The following MICAL3 variants were observed in gnomAD, a reference collection of about 807,000 sequenced individuals.
MICAL3 encodes microtubule associated monooxygenase, calponin and LIM domain containing 3, also known as [F-actin]-monooxygenase MICAL3.
In MICAL3, 62 loss-of-function variants were observed where a neutral mutation model predicts 207.4. That is an observed-to-expected ratio of 0.30 (90% CI 0.24 to 0.37). The LOEUF (loss-of-function observed/expected upper bound fraction) is 0.37, where lower values mean the gene tolerates loss of function less well. Among genes scored for constraint, MICAL3 ranks in the 10% least tolerant of loss-of-function variants. The probability of loss-of-function intolerance (pLI) is 1.00; values close to 1 mark genes in which losing one functional copy is unlikely to be tolerated. For missense variants in MICAL3, 2,368 were observed against 2,635.6 expected, an observed-to-expected ratio of 0.90 and a Z score of 2.22; for synonymous variants, 1,077 against 1,069.3, an observed-to-expected ratio of 1.01 and a Z score of -0.14.
At chr22:17,845,769 C>T (rs1924571723) in intron 19 of MICAL3, among the ~76,000 whole-genome samples, 3 of 152,202 alleles carry the variant, frequency 2.0e-5, no homozygotes. Flanking sequence ...TTCGCAACAG[C>T]CCTATCTGCC....
intron 1 of MICAL3, among the ~76,000 whole-genome samples, chr22:17,986,550 C>G (rs764663217): frequency 6.6e-6 from 1 of 151,822 alleles, no homozygotes; most frequent in Non-Finnish European, 1.5e-5. Flanking sequence ...AATGACCGAA[C>G]AGTACAGGGT....
chr22:17,881,406 G>T, intron 16 of MICAL3: 1 of 932,816 alleles, frequency 1.1e-6, no homozygotes, highest in Non-Finnish European at 1.7e-6. Context: ...AAGCACCCCA[G>T]GGAGGCCTTT....
intron 16 of MICAL3, among the ~76,000 whole-genome samples, chr22:17,877,265 AGTTATGGAG>A (rs1928749071): frequency 2.1e-4 from 1 of 4,870 alleles, no homozygotes; most frequent in Non-Finnish European, 3.3e-4. Flanking sequence ...AGGTTAGGGA[AGTTATGGAG>A]GTTAGGGAGG....
chr22:17,864,334 G>A (rs1926828169), intron 19 of MICAL3: 3 of 1,213,204 alleles, frequency 2.5e-6, no homozygotes, highest in Non-Finnish European at 3.1e-6. Flanking sequence ...CCATCACGGT[G>A]CAGGGCAGAC....
Position 17,886,013 on chromosome 22 carries a change from G to A in MICAL3, c.2106C>T (p.Thr702=), listed in dbSNP as rs759277229. ...TCCTGTCTGTCAGAGTGCTCACCAG[G>A]GTCGGTCTTTCTCCTCTGTGGCCCC... The part of the protein sequence containing the change: ...APRGHRGERP[T]LVSTLTDRRM... The change falls in exon 16 of 32, where the codon ACC becomes ACT. Residue 702 remains threonine (T), a synonymous_variant. Coordinates refer to ENST00000441493, the MANE Select transcript of MICAL3 (RefSeq NM_015241.3). 3 of 1,613,854 alleles carry A rather than the reference G, an allele frequency of 1.9e-6. No individual in the cohort carries two copies. Among genetic ancestry groups the A allele is most frequent in the East Asian group, 2.2e-5 (1 of 44,904 alleles).
At chr22:18,006,924 T>C (rs565224552) in intron 1 of MICAL3, among the ~76,000 whole-genome samples, 1 of 152,320 alleles carries the variant, frequency 6.6e-6, no homozygotes, top group Admixed American at 6.5e-5. Flanking sequence ...TGGTGCAATC[T>C]CTGCTCACAG....
chr22:17,973,143 C>T (rs1935494263), intron 1 of MICAL3, among the ~76,000 whole-genome samples: 2 of 152,202 alleles, frequency 1.3e-5, no homozygotes, highest in South Asian at 4.1e-4. Context: ...CTTCACCACC[C>T]AGATGGGGGG....
chr22:17,833,242 A>G (rs148764481), intron 20 of MICAL3, among the ~76,000 whole-genome samples: 132 of 152,320 alleles, frequency 8.7e-4, no homozygotes, highest in African/African-American at 3.2e-3. Context: ...TTGCTGCACA[A>G]ATGGAGATGT....
intron 11 of MICAL3, among the ~76,000 whole-genome samples, chr22:17,893,478 C>T (rs1384945519): frequency 2.0e-5 from 3 of 152,308 alleles, no homozygotes; most frequent in Non-Finnish European, 2.9e-5. Flanking sequence ...CTCCCTCTCT[C>T]CCCTCTGCCC....
rs189534578 is a variant in MICAL3 at position 17,954,362 on chromosome 22, T to G, written c.-74-47476A>C. On this transcript the variant is annotated intron_variant, in intron 1 of 31. Coordinates refer to ENST00000441493, the MANE Select transcript of MICAL3 (RefSeq NM_015241.3). ...AGAGCCAAGGAGCAGGTGGGGTCAG[T>G]GCATGAAAAATCACCAAGAGGAACA... 5.9e-5 allele frequency among the ~76,000 whole-genome samples: 9 copies of G among 152,096 alleles called. No homozygotes were observed. The East Asian group carries it at 1.7e-3, about 29-fold the overall frequency.
intron 16 of MICAL3, among the ~76,000 whole-genome samples, chr22:17,876,048 G>C (rs1006133806): frequency 1.3e-5 from 2 of 152,182 alleles, no homozygotes; most frequent in Non-Finnish European, 2.9e-5. Context: ...CTACAGAAGG[G>C]CCAGGAATGC....
At chr22:17,962,093 G>C (rs569230359) in intron 1 of MICAL3, among the ~76,000 whole-genome samples, 2 of 152,340 alleles carry the variant, frequency 1.3e-5, no homozygotes, top group East Asian at 3.9e-4. Context: ...ACTGGAGAGA[G>C]GGGTAGGTCT....
intron 1 of MICAL3, chr22:18,019,701 T>TAA (rs57107933): frequency 4.1e-4 from 66 of 159,192 alleles, no homozygotes; most frequent in Middle Eastern, 2.7e-3. Context: ...TCTCAAAAAT[T>TAA]AAAAAAAAAG....
At position 17,875,641 on chromosome 22, in the gene MICAL3, G is replaced by C. The variant is rs1288664684; in HGVS notation, c.2242-3618C>G. On this transcript the variant is annotated intron_variant, in intron 16 of 31. Coordinates refer to ENST00000441493, the MANE Select transcript of MICAL3 (RefSeq NM_015241.3). ...GACCTCTGAACATAAGATGGTTGTA[G>C]AGCCTTTTACTCTAGACCTTTATCT... The C allele has an allele frequency of 9.0e-6, 5 of 556,708 alleles. No individual in the cohort carries two copies. The Admixed American group carries it at 1.1e-4, about 12-fold the overall frequency. The allele number at this position is 556,708 out of a possible 1,614,324, so 34.5% of individuals were successfully genotyped here. A position where few individuals can be genotyped will look rare whatever the true frequency, so the allele number is the denominator to read the frequency against.
chr22:17,959,237 G>A lies in MICAL3; in HGVS notation c.-74-52351C>T, dbSNP rs186452504. Among the ~76,000 whole-genome samples, 687 of 150,746 alleles carry A rather than the reference G, an allele frequency of 4.6e-3. 4 individuals are homozygous for A. Among genetic ancestry groups the A allele is most frequent in the African/African-American group, 0.016 (642 of 40,978 alleles). ...TCACTGTGTTAGCCAGGATGGTCTC[G>A]ATCTCCTGACCTTGTGATCCACCCA... On this transcript the variant is annotated intron_variant, in intron 1 of 31. Coordinates refer to ENST00000441493, the MANE Select transcript of MICAL3 (RefSeq NM_015241.3).
At chr22:17,960,630 C>A (rs1934865048) in intron 1 of MICAL3, among the ~76,000 whole-genome samples, 1 of 152,020 alleles carries the variant, frequency 6.6e-6, no homozygotes, top group Admixed American at 6.6e-5. Flanking sequence ...GCTCCGGGAA[C>A]AGATCCTGTG....
At chr22:17,982,000 G>C (rs1405397126) in intron 1 of MICAL3, among the ~76,000 whole-genome samples, 1 of 152,102 alleles carries the variant, frequency 6.6e-6, no homozygotes, top group Non-Finnish European at 1.5e-5. Context: ...AGCTACTTAG[G>C]AGGCTGAGGT....
rs778491680 is a variant in MICAL3 at position 17,906,663 on chromosome 22, A to G, written c.150T>C (p.Tyr50=). ...AGTTAAGCTTGGACTTGAGCTTGTG[A>G]TAGAAGGAGCGGTAGTCCTTTGGCT... ...ELKPKDYRSF[Y]HKLKSKLNYW... is the part of the protein sequence containing the mutation. Residue 50 remains tyrosine (Y), a synonymous_variant, in exon 2 of 32, where the codon TAT becomes TAC. Transcript: ENST00000441493. 6.2e-7 allele frequency: 1 copy of G among 1,613,882 alleles called. No homozygotes were observed. Among genetic ancestry groups the G allele is most frequent in the Non-Finnish European group, 8.5e-7 (1 of 1,179,854 alleles).
At chr22:17,797,949 C>T (rs1374123561) in intron 29 of MICAL3, among the ~76,000 whole-genome samples, 1 of 152,218 alleles carries the variant, frequency 6.6e-6, no homozygotes, top group Non-Finnish European at 1.5e-5. Flanking sequence ...AGGCTCCCAG[C>T]TCCCCCTGGT....
Sources: allele counts gnomAD v4.1 joint callset (sites outside exome capture counted in the v4.1 genomes callset), GRCh38; gene constraint gnomAD v4.1.1; transcripts MANE v1.5; gene names NCBI Gene and HGNC (gene_info 2026-07-23, HGNC 2026-07-21).